DCC: variants seen among roughly 807,000 people sequenced by gnomAD.
The protein encoded by DCC is DCC netrin 1 receptor, also known as netrin receptor DCC.
A neutral mutation model predicts 172.5 loss-of-function variants in DCC; 58 were observed. The observed-to-expected ratio is 0.34, with a 90% CI of 0.27 to 0.42. DCC has a LOEUF of 0.42. Ranked by LOEUF, DCC falls within the 10% of genes least tolerant of loss-of-function variation. The pLI is 1.00. For synonymous variants in DCC, 709 were observed against 644.5 expected (o/e 1.10, Z -1.52); for missense variants, 1,740 against 1,791.0 (o/e 0.97, Z 0.51).
chr18:52,789,862 T>G (rs2037726717), intron 2 of DCC, among the ~76,000 whole-genome samples: 1 of 152,150 alleles, frequency 6.6e-6, no homozygotes, highest in South Asian at 2.1e-4. Flanking sequence ...TAGCCCCTTC[T>G]GAAGATATAC....
chr18:53,157,614 G>C (rs1324790973), intron 8 of DCC, 102 bp downstream of exon 8: 1 of 1,231,888 alleles, frequency 8.1e-7, no homozygotes. Flanking sequence ...ACTTTGGAGA[G>C]GCTGTGAAAT....
intron 2 of DCC, among the ~76,000 whole-genome samples, chr18:52,889,491 A>G (rs2039617819): frequency 2.6e-5 from 4 of 152,160 alleles, no homozygotes; most frequent in Admixed American, 2.6e-4. Flanking sequence ...TGAGAAGCTT[A>G]TAGAATGATT....
At chr18:52,472,030 T>A (rs1486340869) in intron 1 of DCC, among the ~76,000 whole-genome samples, 1 of 152,076 alleles carries the variant, frequency 6.6e-6, no homozygotes, top group Non-Finnish European at 1.5e-5. Context: ...TTGCACCGAG[T>A]GGGGTTACAT....
intron 11 of DCC, among the ~76,000 whole-genome samples, chr18:53,209,814 C>A (rs1471457845): frequency 1.3e-5 from 2 of 152,172 alleles, no homozygotes; most frequent in Non-Finnish European, 1.5e-5. Flanking sequence ...ATGTAGATTT[C>A]ATTCACTCTG....
At chr18:52,442,041 G>A (rs977441203) in intron 1 of DCC, among the ~76,000 whole-genome samples, 2 of 152,130 alleles carry the variant, frequency 1.3e-5, no homozygotes, top group Non-Finnish European at 2.9e-5. Context: ...AATCAAATGA[G>A]CATTATTAGA....
At chr18:52,659,454 T>A (rs1429088093) in intron 1 of DCC, among the ~76,000 whole-genome samples, 1 of 152,156 alleles carries the variant, frequency 6.6e-6, no homozygotes, top group Non-Finnish European at 1.5e-5. Context: ...TGAAGATCAC[T>A]TGGATTCTCT....
At chr18:53,243,173 G>A (rs2879526) in intron 12 of DCC, among the ~76,000 whole-genome samples, 109,395 of 152,034 alleles carry the variant, frequency 0.72, 40,351 homozygotes, top group Admixed American at 0.82. Flanking sequence ...AGGAAATGTC[G>A]CTTGAGCTAT....
chr18:52,715,048 A>G (rs1180385875), intron 1 of DCC, among the ~76,000 whole-genome samples: 1 of 152,158 alleles, frequency 6.6e-6, no homozygotes, highest in Non-Finnish European at 1.5e-5. Flanking sequence ...AGTTAGGAGT[A>G]CTGGATTCTA....
chr18:52,720,464 C>T (rs2036455815), intron 1 of DCC, among the ~76,000 whole-genome samples: 1 of 152,128 alleles, frequency 6.6e-6, no homozygotes, highest in South Asian at 2.1e-4. Flanking sequence ...TGCTATCACA[C>T]AGGATGGGAA....
chr18:53,397,130 T>A (rs62100015), intron 17 of DCC, among the ~76,000 whole-genome samples, 178 bp from the exon 18 acceptor site: 63,700 of 150,908 alleles, frequency 0.42, 15,172 homozygotes, highest in Non-Finnish European at 0.55. Context: ...AAATGTATAA[T>A]CAGCCAGCGT....
chr18:53,088,376 G>A (rs2042950029), intron 7 of DCC, among the ~76,000 whole-genome samples: 1 of 152,120 alleles, frequency 6.6e-6, no homozygotes, highest in South Asian at 2.1e-4. Context: ...TTGTGAATGG[G>A]AGTTCACTCA....
At chr18:53,495,346 G>A (rs1182881665) in intron 26 of DCC, among the ~76,000 whole-genome samples, 17 of 141,596 alleles carry the variant, frequency 1.2e-4, no homozygotes, top group African/African-American at 1.6e-4. Context: ...AGCCAAGATC[G>A]CACACTGCAT....
intron 3 of DCC, among the ~76,000 whole-genome samples, chr18:52,919,359 T>G (rs1011152916): frequency 6.6e-6 from 1 of 152,236 alleles, no homozygotes; most frequent in Admixed American, 6.6e-5. Flanking sequence ...AGTTGTAAAA[T>G]GTATGAACTA....
At chr18:53,403,101 C>T (rs1299070924) in intron 19 of DCC, among the ~76,000 whole-genome samples, 1 of 145,042 alleles carries the variant, frequency 6.9e-6, no homozygotes, top group Non-Finnish European at 1.6e-5. Context: ...CACACACACA[C>T]ACACACACAC....
At chr18:53,318,031 T>A (rs1353970070) in intron 13 of DCC, among the ~76,000 whole-genome samples, 1 of 152,160 alleles carries the variant, frequency 6.6e-6, no homozygotes, top group African/African-American at 2.4e-5. Flanking sequence ...AGCTTTTGAA[T>A]TTGTTTACTC....
intron 11 of DCC, among the ~76,000 whole-genome samples, chr18:53,213,758 T>C (rs1340930588): frequency 1.3e-5 from 2 of 150,768 alleles, no homozygotes; most frequent in African/African-American, 4.9e-5. Context: ...GTTTGTGAAA[T>C]TATATGATAT....
chr18:52,824,553 A>G (rs2038471808), intron 2 of DCC, among the ~76,000 whole-genome samples: 1 of 152,144 alleles, frequency 6.6e-6, no homozygotes, highest in Admixed American at 6.5e-5. Flanking sequence ...AAAATTAGAG[A>G]ATTTCTCTAA....
intron 1 of DCC, among the ~76,000 whole-genome samples, chr18:52,721,389 T>C (rs1389681278): frequency 6.6e-6 from 1 of 152,154 alleles, no homozygotes; most frequent in Non-Finnish European, 1.5e-5. Flanking sequence ...TAAACAAACT[T>C]TGACTGTGCC....
intron 7 of DCC, among the ~76,000 whole-genome samples, chr18:53,137,090 A>C (rs1598839062): frequency 6.6e-6 from 1 of 152,238 alleles, no homozygotes; most frequent in South Asian, 2.1e-4. Flanking sequence ...TGATAGACTG[A>C]TATATTCATT....
Sources: allele counts gnomAD v4.1 joint callset (sites outside exome capture counted in the v4.1 genomes callset), GRCh38; gene constraint gnomAD v4.1.1; transcripts MANE v1.5; gene names NCBI Gene and HGNC (gene_info 2026-07-23, HGNC 2026-07-21).